The following TMEM132C variants were observed in gnomAD, a reference collection of about 807,000 sequenced individuals.
The protein encoded by TMEM132C is protein phosphatase 1, regulatory subunit 152.
A neutral mutation model predicts 61.4 loss-of-function variants in TMEM132C; 29 were observed. The ratio of observed to expected loss-of-function variants is 0.47; its 90% CI spans 0.35 to 0.64. The LOEUF is 0.64. Among genes scored for constraint, TMEM132C ranks in the 30% least tolerant of loss-of-function variants. The probability of loss-of-function intolerance (pLI) is 0.00; values close to 1 mark genes in which losing one functional copy is unlikely to be tolerated. For synonymous variants in TMEM132C, 656 were observed against 633.1 expected (o/e 1.04, Z -0.54); for missense variants, 1,408 against 1,476.9 (o/e 0.95, Z 0.76).
chr12:128,585,353 T>A (rs190202984), intron 3 of TMEM132C, among the ~76,000 whole-genome samples: 1 of 149,046 alleles, frequency 6.7e-6, no homozygotes, highest in African/African-American at 2.5e-5. Flanking sequence ...CCAAAGGCTA[T>A]GACCCAGCCA....
intron 1 of TMEM132C, among the ~76,000 whole-genome samples, chr12:128,347,591 G>A (rs185892373): frequency 1.3e-5 from 2 of 152,228 alleles, no homozygotes; most frequent in African/African-American, 4.8e-5. Context: ...ACCAAACATG[G>A]CTAATTTTGT....
chr12:128,330,472 G>A lies in TMEM132C; in HGVS notation c.85+62985G>A, dbSNP rs572698291. On this transcript the variant is annotated intron_variant, in intron 1 of 8. Coordinates refer to ENST00000435159, the MANE Select transcript of TMEM132C (RefSeq NM_001136103.3). The stretch of plus-strand genomic sequence containing the variant: ...GGAGGCTGAGGCAGGAGGATCACAT[G>A]AGCCCAGGAGTCCAAGGCTGCAATG... 2.0e-3 allele frequency among the ~76,000 whole-genome samples: 306 copies of A among 152,280 alleles called. 2 individuals are homozygous for A. The highest frequency in any genetic ancestry group is 1.5e-3 in the Non-Finnish European group (99 of 68,032).
At chr12:128,478,487 A>G (rs1255184891) in intron 2 of TMEM132C, among the ~76,000 whole-genome samples, 1 of 152,126 alleles carries the variant, frequency 6.6e-6, no homozygotes, top group Non-Finnish European at 1.5e-5. Flanking sequence ...AACACTAGAA[A>G]TTTCATTGGC....
chr12:128,491,134 C>T (rs1273389064), intron 2 of TMEM132C, among the ~76,000 whole-genome samples: 3 of 152,150 alleles, frequency 2.0e-5, no homozygotes, highest in South Asian at 2.1e-4. Context: ...CAGAAGGTGA[C>T]AGGCAAGGTG....
intron 1 of TMEM132C, among the ~76,000 whole-genome samples, chr12:128,344,327 T>G (rs1873081310): frequency 6.6e-6 from 1 of 152,016 alleles, no homozygotes; most frequent in Non-Finnish European, 1.5e-5. Flanking sequence ...CCGGCTAATT[T>G]TTTTGTATTT....
intron 2 of TMEM132C, among the ~76,000 whole-genome samples, chr12:128,454,379 G>T (rs929077088): frequency 3.3e-5 from 5 of 152,308 alleles, no homozygotes; most frequent in Non-Finnish European, 5.9e-5. Flanking sequence ...CCATGGATTT[G>T]CTCTTTCTCA....
intron 2 of TMEM132C, among the ~76,000 whole-genome samples, chr12:128,481,457 G>C (rs1362342011): frequency 6.6e-6 from 1 of 152,170 alleles, no homozygotes; most frequent in Non-Finnish European, 1.5e-5. Context: ...CAGGGTGCTT[G>C]CCTGTCCCAG....
At chr12:128,338,465 C>A (rs1872850161) in intron 1 of TMEM132C, among the ~76,000 whole-genome samples, 1 of 152,050 alleles carries the variant, frequency 6.6e-6, no homozygotes, top group Non-Finnish European at 1.5e-5. Flanking sequence ...TATAAAATGC[C>A]CTTATTGAGT....
intron 1 of TMEM132C, among the ~76,000 whole-genome samples, chr12:128,411,200 G>A (rs1341002243): frequency 1.3e-5 from 2 of 152,290 alleles, no homozygotes; most frequent in Admixed American, 1.3e-4. Context: ...ACCTACCTGT[G>A]TGTCCTTTGT....
chr12:128,639,715 C>G (rs1288726060), intron 4 of TMEM132C, among the ~76,000 whole-genome samples: 1 of 152,148 alleles, frequency 6.6e-6, no homozygotes, highest in African/African-American at 2.4e-5. Flanking sequence ...CCAACCATCC[C>G]TGTTCACCTG....
chr12:128,589,908 C>T (rs1466709313), intron 3 of TMEM132C, among the ~76,000 whole-genome samples: 1 of 152,164 alleles, frequency 6.6e-6, no homozygotes, highest in African/African-American at 2.4e-5. Flanking sequence ...ACGTGCAGTG[C>T]TTAGAATCAC....
intron 1 of TMEM132C, among the ~76,000 whole-genome samples, chr12:128,323,850 G>C (rs1268206704): frequency 6.6e-6 from 1 of 152,160 alleles, no homozygotes; most frequent in South Asian, 2.1e-4. Flanking sequence ...CTGCACGCTG[G>C]GGAGGCGGCA....
At chr12:128,422,882 G>T (rs1386339716) in intron 2 of TMEM132C, among the ~76,000 whole-genome samples, 1 of 152,088 alleles carries the variant, frequency 6.6e-6, no homozygotes, top group Non-Finnish European at 1.5e-5. Flanking sequence ...AATCACCCTG[G>T]TTGACAACCA....
intron 2 of TMEM132C, among the ~76,000 whole-genome samples, chr12:128,424,319 A>T (rs1869105036): frequency 6.6e-6 from 1 of 152,186 alleles, no homozygotes; most frequent in Non-Finnish European, 1.5e-5. Flanking sequence ...ATACCACTGT[A>T]TGCGTAGATC....
intron 4 of TMEM132C, among the ~76,000 whole-genome samples, chr12:128,662,386 A>G (rs984308744): frequency 5.9e-5 from 9 of 152,188 alleles, no homozygotes; most frequent in Admixed American, 6.5e-5. Flanking sequence ...TAATCTTCAC[A>G]ACAACCCTAA....
intron 1 of TMEM132C, among the ~76,000 whole-genome samples, chr12:128,287,581 C>T (rs1019750846): frequency 6.6e-6 from 1 of 152,088 alleles, no homozygotes; most frequent in Non-Finnish European, 1.5e-5. Flanking sequence ...TAGTAAGTTA[C>T]ACACATTATA....
At chr12:128,328,936 C>G (rs1283820054) in intron 1 of TMEM132C, among the ~76,000 whole-genome samples, 1 of 152,168 alleles carries the variant, frequency 6.6e-6, no homozygotes, top group East Asian at 1.9e-4. Context: ...TGCATCCCTG[C>G]CTATCCTCTG....
intron 3 of TMEM132C, among the ~76,000 whole-genome samples, chr12:128,585,697 G>A (rs1460308557): frequency 6.6e-6 from 1 of 152,226 alleles, no homozygotes; most frequent in East Asian, 1.9e-4. Context: ...CGTGTGCGGT[G>A]TGCTACTATT....
intron 1 of TMEM132C, among the ~76,000 whole-genome samples, chr12:128,410,696 G>A (rs1043292202): frequency 2.6e-5 from 4 of 152,046 alleles, no homozygotes; most frequent in Admixed American, 6.6e-5. Flanking sequence ...GAGCCACCGC[G>A]CCTGGCCCTG....
Sources: gnomAD v4.1 joint callset for allele counts (sites outside exome capture counted in the v4.1 genomes callset) on GRCh38, gnomAD v4.1.1 for gene constraint, MANE v1.5 for transcripts, NCBI Gene and HGNC (gene_info 2026-07-23, HGNC 2026-07-21) for gene names.